Variants in PGRMC2 observed in about 807,000 individuals in gnomAD.
PGRMC2 encodes the protein progesterone receptor membrane component 2, also known as membrane-associated progesterone receptor component 2.
A neutral mutation model predicts 19.3 loss-of-function variants in PGRMC2; 9 were observed. The observed-to-expected ratio is 0.47, with a 90% CI of 0.28 to 0.81. The LOEUF (loss-of-function observed/expected upper bound fraction) is 0.81. Ranked by LOEUF, PGRMC2 falls within the 40% of genes least tolerant of loss-of-function variation. The pLI is 0.11. For missense variants in PGRMC2, 289 were observed against 297.3 expected, an observed-to-expected ratio of 0.97 and a Z score of 0.21; for synonymous variants, 157 against 124.6, an observed-to-expected ratio of 1.26 and a Z score of -1.73.
At chr4:128,280,353 G>GAAA (rs11425107) in intron 1 of PGRMC2, among the ~76,000 whole-genome samples, 17 of 120,530 alleles carry the variant, frequency 1.4e-4, no homozygotes, top group African/African-American at 5.9e-4. Flanking sequence ...AATTTTCTGG[G>GAAA]AAAAAAAAAA....
chr4:128,286,979 C>T (rs1578888752), intron 1 of PGRMC2: 3 of 377,422 alleles, frequency 7.9e-6, no homozygotes, highest in South Asian at 2.9e-4. Flanking sequence ...TCCCTGGTGC[C>T]CCATCCATCC....
intron 1 of PGRMC2, among the ~76,000 whole-genome samples, chr4:128,279,480 A>T (rs1343985149): frequency 6.6e-6 from 1 of 152,218 alleles, no homozygotes; most frequent in East Asian, 1.9e-4. Context: ...CAGTTTAGAA[A>T]CAAGAATCCA....
chr4:128,277,266 G>A (rs1004632414), intron 1 of PGRMC2, among the ~76,000 whole-genome samples: 1 of 152,094 alleles, frequency 6.6e-6, no homozygotes, highest in African/African-American at 2.4e-5. Flanking sequence ...TCCAACTTGT[G>A]GTCAAGATAT....
chr4:128,279,100 C>T (rs755821134), intron 1 of PGRMC2, among the ~76,000 whole-genome samples: 7 of 151,734 alleles, frequency 4.6e-5, no homozygotes, highest in Admixed American at 1.3e-4. Context: ...CCCAGCTACT[C>T]GGGAGGCTGA....
intron 1 of PGRMC2, among the ~76,000 whole-genome samples, chr4:128,276,563 T>C (rs1578883587): frequency 6.6e-6 from 1 of 152,158 alleles, no homozygotes; most frequent in Admixed American, 6.6e-5. Flanking sequence ...CCTCAGGTGA[T>C]CCGCCTACCT....
At position 128,269,987 on chromosome 4, in the gene PGRMC2, T is replaced by C. The variant is rs1198044597; in HGVS notation, c.*1329A>G. The C allele has an allele frequency of 6.5e-6, 1 of 152,676 alleles. No individual in the cohort carries two copies. Among genetic ancestry groups the C allele is most frequent in the Non-Finnish European group, 1.5e-5 (1 of 68,036 alleles). The allele number at this position is 152,676 out of a possible 1,614,324, so 9.5% of individuals were successfully genotyped here. A position where few individuals can be genotyped will look rare whatever the true frequency, so the allele number is the denominator to read the frequency against. On this transcript the variant is annotated 3_prime_UTR_variant, in exon 3 of 3. Coordinates refer to ENST00000296425, the MANE Select transcript of PGRMC2 (RefSeq NM_006320.6). ...AAAGTGGAATTTCTTCCTAAAGTTA[T>C]GCTGAATGTGGTACAATGTGTACAA...
intron 1 of PGRMC2, among the ~76,000 whole-genome samples, chr4:128,285,152 G>T (rs1020097940): frequency 2.0e-5 from 3 of 151,962 alleles, no homozygotes; most frequent in Non-Finnish European, 4.4e-5. Flanking sequence ...TTTATACCGA[G>T]TCTCTCTCTG....
At chr4:128,272,601 A>AC (rs1760749877) in intron 1 of PGRMC2, 84 bp from the exon 2 acceptor site, 8 of 891,448 alleles carry the variant, frequency 9.0e-6, no homozygotes, top group African/African-American at 1.7e-5. Flanking sequence ...AAAAAAAAAA[A>AC]AACACAACAA....
chr4:128,287,554 A>ACC lies in PGRMC2; in HGVS notation c.235_236dup (p.Leu80ValfsTer20). On this transcript the variant is annotated frameshift_variant, in exon 1 of 3. Transcript: ENST00000296425. LOFTEE classifies it high-confidence loss of function. The stretch of plus-strand genomic sequence containing the variant: ...CGCCCGCCCCGGCCCCGGCCCCCAG[A>ACC]CCCCGCCGCCCCCAGCGCACCCACA... 3.2e-6 allele frequency: 3 copies of ACC among 924,838 alleles called. No individual in the cohort carries two copies. Among genetic ancestry groups the ACC allele is most frequent in the South Asian group, 1.5e-5 (1 of 67,126 alleles). The allele number at this position is 924,838 out of a possible 1,614,324, so 57.3% of individuals were successfully genotyped here. A position where few individuals can be genotyped will look rare whatever the true frequency, so the allele number is the denominator to read the frequency against.
intron 1 of PGRMC2, among the ~76,000 whole-genome samples, chr4:128,273,828 C>T (rs1042470723): frequency 1.3e-5 from 2 of 152,080 alleles, no homozygotes; most frequent in Non-Finnish European, 1.5e-5. Context: ...TAAAGTTAAC[C>T]AGATGTGAAA....
At chr4:128,287,152 G>A in intron 1 of PGRMC2, 2 of 496,890 alleles carry the variant, frequency 4.0e-6, no homozygotes, top group East Asian at 6.8e-5. Flanking sequence ...GCGCCACCGG[G>A]GACCCTGGTT....
At chr4:128,285,004 A>G (rs1760962517) in intron 1 of PGRMC2, among the ~76,000 whole-genome samples, 1 of 152,212 alleles carries the variant, frequency 6.6e-6, no homozygotes, top group African/African-American at 2.4e-5. Flanking sequence ...TATCACTCTT[A>G]GGCTGTTCAA....
intron 1 of PGRMC2, among the ~76,000 whole-genome samples, chr4:128,273,668 G>A (rs1760765260): frequency 6.6e-6 from 1 of 152,150 alleles, no homozygotes; most frequent in South Asian, 2.1e-4. Context: ...TGAGCGAAAT[G>A]ATTATATTCA....
intron 1 of PGRMC2, among the ~76,000 whole-genome samples, chr4:128,283,713 A>G (rs1199292493): frequency 6.6e-6 from 1 of 151,068 alleles, no homozygotes; most frequent in Non-Finnish European, 1.5e-5. Context: ...GCTGGAGTGC[A>G]ATGGCGAGAT....
chr4:128,284,377 T>TA (rs936874307), intron 1 of PGRMC2, among the ~76,000 whole-genome samples: 13 of 152,208 alleles, frequency 8.5e-5, no homozygotes, highest in African/African-American at 3.1e-4. Context: ...ATTATGGAGA[T>TA]AAAAAAATTA....
intron 1 of PGRMC2, among the ~76,000 whole-genome samples, chr4:128,275,592 T>A (rs1760797684): frequency 6.6e-6 from 1 of 152,206 alleles, no homozygotes; most frequent in South Asian, 2.1e-4. Flanking sequence ...GATTAACATA[T>A]TCCCCCACTC....
Position 128,271,061 on chromosome 4 carries a change from T to TA in PGRMC2, c.*254dup, listed in dbSNP as rs1760721538. ...GTAATATTGTGACTTTCTTGCTCTT[T>TA]AAAAAAATCCCTGTCTCCTTCTTTT... On this transcript the variant is annotated 3_prime_UTR_variant, in exon 3 of 3. Coordinates refer to ENST00000296425, the MANE Select transcript of PGRMC2 (RefSeq NM_006320.6). 3 of 309,412 alleles carry TA rather than the reference T, an allele frequency of 9.7e-6. No individual in the cohort carries two copies. The highest frequency in any genetic ancestry group is 1.8e-5 in the Non-Finnish European group (3 of 169,940). The allele number at this position is 309,412 out of a possible 1,614,324, so 19.2% of individuals were successfully genotyped here.
chr4:128,287,169 G>A (rs1009441497), intron 1 of PGRMC2: 3 of 504,354 alleles, frequency 5.9e-6, no homozygotes, highest in African/African-American at 4.0e-5. Context: ...GGTTTCGGGG[G>A]AAGAACTGGA....
chr4:128,282,736 A>T (rs1349056793), intron 1 of PGRMC2, among the ~76,000 whole-genome samples: 1 of 152,264 alleles, frequency 6.6e-6, no homozygotes, highest in Non-Finnish European at 1.5e-5. Flanking sequence ...TCCATGAAGA[A>T]ATAGGTAAGA....
Sources: gnomAD v4.1 joint callset for allele counts (sites outside exome capture counted in the v4.1 genomes callset) on GRCh38, gnomAD v4.1.1 for gene constraint, MANE v1.5 for transcripts, NCBI Gene and HGNC (gene_info 2026-07-23, HGNC 2026-07-21) for gene names.